PHF10: variants seen among roughly 807,000 people sequenced by gnomAD.
PHF10 encodes PHD finger protein 10, also known as BRG1-associated factor 45a.
PHF10 carries 51 observed loss-of-function variants against 68.5 expected under a neutral mutation model. That is an observed-to-expected ratio of 0.74 (90% CI 0.59 to 0.94). The LOEUF is 0.94. Among genes scored for constraint, PHF10 ranks in the 40% least tolerant of loss-of-function variants. The pLI, the probability that PHF10 is intolerant of heterozygous loss-of-function variation, is 0.00. For missense variants in PHF10, 460 were observed against 602.6 expected, an observed-to-expected ratio of 0.76 and a Z score of 2.48; for synonymous variants, 204 against 203.5, an observed-to-expected ratio of 1.00 and a Z score of -0.02.
In PHF10 at chr6:169,705,142, T is replaced by C. The variant is rs1302129062; in HGVS notation, c.1402A>G (p.Ile468Val). ...TTTTTTTAATCTTTACCTGATGGAA[T>C]AGCACCAAGGCCCACACAAAAAGTA... is the stretch of plus-strand genomic sequence containing the variant. Reference protein sequence around the residue: ...YHTFCVGLGAIPSGRWICDCC... With the variant: ...YHTFCVGLGAVPSGRWICDCC... The change falls in exon 11 of 12, where the codon ATT becomes GTT. Residue 468 changes from isoleucine to valine, a missense_variant. This residue lies in a region of PHF10 where 111 missense variants were observed against 109.7 expected (regional missense o/e 1.01). Coordinates refer to ENST00000339209, the MANE Select transcript of PHF10 (RefSeq NM_018288.4). 1 of 1,606,242 alleles carries C rather than the reference T, an allele frequency of 6.2e-7. No individual in the cohort carries two copies. The highest frequency in any genetic ancestry group is 1.3e-5 in the African/African-American group (1 of 74,740).
At chr6:169,720,877 T>A (rs964727854) in intron 2 of PHF10, 128 bp downstream of exon 2, 2 of 596,852 alleles carry the variant, frequency 3.4e-6, no homozygotes, top group African/African-American at 3.7e-5. Context: ...TGGCACATTA[T>A]AGAACAGGAA....
Position 169,723,873 on chromosome 6 carries a change from G to T in PHF10, c.59C>A (p.Pro20Gln), listed in dbSNP as rs761885772. ...CGGGGACTGCGCTCCGGGGGTGGCT[G>T]GGTCGCTGTCGCACGGCCGCGGGGA... ...ALSPRPCDSD[P>Q]ATPGAQSPKD... Residue 20 changes from proline to glutamine, a missense_variant, in exon 1 of 12, where the codon CCA becomes CAA. Transcript: ENST00000339209. The T allele has an allele frequency of 9.1e-7, 1 of 1,100,488 alleles. No homozygotes were observed. The highest frequency in any genetic ancestry group is 4.9e-5 in the East Asian group (1 of 20,284). 68.2% of individuals were successfully genotyped at this position (1,100,488 alleles called of 1,614,324 possible).
chr6:169,723,727 G>T (rs1789243292), intron 1 of PHF10, 118 bp downstream of exon 1: 2 of 280,010 alleles, frequency 7.1e-6, no homozygotes, highest in Non-Finnish European at 1.1e-5. Flanking sequence ...CAGGCGCGGC[G>T]CCCGGCCTGG....
intron 4 of PHF10, among the ~76,000 whole-genome samples, chr6:169,717,412 G>C (rs1208701005): frequency 1.3e-5 from 2 of 152,188 alleles, no homozygotes; most frequent in Non-Finnish European, 2.9e-5. Flanking sequence ...GCTTACCCTA[G>C]CCTAACTTAA....
At chr6:169,723,678 C>A (rs1249478766) in intron 1 of PHF10, among the ~76,000 whole-genome samples, 167 bp downstream of exon 1, 2 of 151,772 alleles carry the variant, frequency 1.3e-5, no homozygotes, top group African/African-American at 4.8e-5. Context: ...AGGCCGCGGG[C>A]TCACCTCGGG....
At chr6:169,705,097 C>T (rs1489597614) in intron 11 of PHF10, 36 bp downstream of exon 11, 12 of 1,519,712 alleles carry the variant, frequency 7.9e-6, no homozygotes, top group Non-Finnish European at 1.1e-5. Context: ...AGTCTCATCA[C>T]CCAAAGATAA....
chr6:169,708,974 A>T (rs1269304211), intron 9 of PHF10: 1 of 152,312 alleles, frequency 6.6e-6, no homozygotes, highest in East Asian at 1.9e-4. Flanking sequence ...TATATATGTA[A>T]AAACAAGTAC....
At chr6:169,714,511 G>C (rs1267175309) in intron 7 of PHF10, among the ~76,000 whole-genome samples, 17 of 152,186 alleles carry the variant, frequency 1.1e-4, no homozygotes, top group Non-Finnish European at 1.5e-5. Flanking sequence ...AACCCAAACA[G>C]AATGGGCAGA....
chr6:169,708,211 A>G (rs1226840228), intron 9 of PHF10: 3 of 152,210 alleles, frequency 2.0e-5, no homozygotes, highest in African/African-American at 7.2e-5. Context: ...TACTTGAAAA[A>G]CAGCCAAAGA....
Position 169,724,415 on chromosome 6 carries a change from CT to C in PHF10, c.-485del, listed in dbSNP as rs1373471400. ...CCCGCCGCTCGCCTCAGCCCCGCCG[CT>C]CGCCTCAGCCCCGCCGCTCCCCTCA... On this transcript the variant is annotated 5_prime_UTR_variant, in exon 1 of 12. Transcript: ENST00000339209. Among the ~76,000 whole-genome samples the C allele has an allele frequency of 7.0e-6, 1 of 142,756 alleles. No homozygotes were observed. Among genetic ancestry groups the C allele is most frequent in the Non-Finnish European group, 1.5e-5 (1 of 64,916 alleles). 93.7% of individuals were successfully genotyped at this position (142,756 alleles called of 152,430 possible).
At chr6:169,710,839 GAAA>G (rs569646661) in intron 8 of PHF10, among the ~76,000 whole-genome samples, 2 of 134,020 alleles carry the variant, frequency 1.5e-5, no homozygotes, top group Non-Finnish European at 1.6e-5. Context: ...CTGCAGTTAG[GAAA>G]AAAAAAAAAA....
chr6:169,720,954 G>C (rs1335464412), intron 2 of PHF10, 51 bp downstream of exon 2: 13 of 939,684 alleles, frequency 1.4e-5, no homozygotes, highest in Non-Finnish European at 2.2e-5. Context: ...AGGATGTTAA[G>C]GCAAAGAGGA....
chr6:169,717,902 T>C lies in PHF10; in HGVS notation c.330A>G (p.Leu110=), dbSNP rs1585304161. ...CCTTGTGAGACAAATCTCGTCGCTCTAAATCTCCAAAAAAAAGATCAAAAG... is the reference window on the plus strand; with the variant it reads ...CCTTGTGAGACAAATCTCGTCGCTCCAAATCTCCAAAAAAAAGATCAAAAG... ...VTSFKRKYPD[L]ERRDLSHKEK... The change falls in exon 4 of 12, where the codon TTA becomes TTG. Residue 110 remains leucine, a synonymous_variant. Coordinates refer to ENST00000339209, the MANE Select transcript of PHF10 (RefSeq NM_018288.4). 1 of 1,520,960 alleles carries C rather than the reference T, an allele frequency of 6.6e-7. No individual in the cohort carries two copies. The allele number at this position is 1,520,960 out of a possible 1,614,324, so 94.2% of individuals were successfully genotyped here.
chr6:169,721,817 A>C (rs1036113039), intron 1 of PHF10, among the ~76,000 whole-genome samples: 5 of 152,244 alleles, frequency 3.3e-5, no homozygotes, highest in African/African-American at 7.2e-5. Context: ...CCAAGGCTTA[A>C]AGTCTAAAAA....
At chr6:169,706,910 A>G (rs888916838) in intron 9 of PHF10, 3 of 152,196 alleles carry the variant, frequency 2.0e-5, no homozygotes, top group Non-Finnish European at 4.4e-5. Flanking sequence ...CAAACGTTGT[A>G]TATATTCCAG....
chr6:169,705,129 T>G lies in PHF10; in HGVS notation c.1411+4A>C. ...ATAATGTTTGCTCTTTTTTTAATCT[T>G]TACCTGATGGAATAGCACCAAGGCC... On this transcript the variant is annotated splice_donor_region_variant and intron_variant, in intron 11 of 11. Transcript: ENST00000339209. 6.3e-7 allele frequency: 1 copy of G among 1,593,362 alleles called. No individual in the cohort carries two copies. Among genetic ancestry groups the G allele is most frequent in the South Asian group, 1.1e-5 (1 of 87,768 alleles).
chr6:169,720,122 A>G (rs1789142238), intron 2 of PHF10, among the ~76,000 whole-genome samples: 1 of 152,150 alleles, frequency 6.6e-6, no homozygotes, highest in African/African-American at 2.4e-5. Flanking sequence ...ATATCACTCC[A>G]CACCTTTTAG....
chr6:169,712,254 T>C (rs1159320208), intron 8 of PHF10, 132 bp downstream of exon 8: 1 of 832,276 alleles, frequency 1.2e-6, no homozygotes, highest in Non-Finnish European at 2.0e-6. Flanking sequence ...TATAAGTAAC[T>C]TTTATTGATG....
rs1334248979 is a variant in PHF10, at chr6:169,715,706, A to G, written c.693+2T>C. ...GGGGGTACTAAATTTAAGTTATCCT[A>G]CATGTGTCTGCAAGTCAAAATAAGC... On this transcript the variant is annotated splice_donor_variant, in intron 6 of 11. Coordinates refer to ENST00000339209, the MANE Select transcript of PHF10 (RefSeq NM_018288.4). LOFTEE classifies it high-confidence loss of function. The G allele has an allele frequency of 1.2e-6, 2 of 1,611,230 alleles. No homozygotes were observed. The highest frequency in any genetic ancestry group is 1.7e-6 in the Non-Finnish European group (2 of 1,179,458).
Sources: allele counts gnomAD v4.1 joint callset (sites outside exome capture counted in the v4.1 genomes callset), GRCh38; gene constraint gnomAD v4.1.1; regional missense constraint gnomAD v4.1.1; transcripts MANE v1.5; gene names NCBI Gene and HGNC (gene_info 2026-07-23, HGNC 2026-07-21).